Variants in MICAL3 observed in about 807,000 individuals in gnomAD.
The protein encoded by MICAL3 is microtubule associated monooxygenase, calponin and LIM domain containing 3.
MICAL3 carries 62 observed loss-of-function variants against 207.4 expected under a neutral mutation model. The ratio of observed to expected loss-of-function variants is 0.30; its 90% confidence interval spans 0.24 to 0.37. The LOEUF (loss-of-function observed/expected upper bound fraction) is 0.37. MICAL3 is among the 10% of genes least tolerant of loss of function. The pLI is 1.00. For synonymous variants in MICAL3, 1,077 were observed against 1,069.3 expected (o/e 1.01, Z -0.14); for missense variants, 2,368 against 2,635.6 (o/e 0.90, Z 2.22).
chr22:17,979,987 C>T (rs538850398), intron 1 of MICAL3, among the ~76,000 whole-genome samples: 2 of 152,226 alleles, frequency 1.3e-5, no homozygotes, highest in South Asian at 4.2e-4. Flanking sequence ...TGCCACCACA[C>T]CTAACTAATA....
chr22:17,956,927 C>T (rs1829666602), intron 1 of MICAL3, among the ~76,000 whole-genome samples: 1 of 152,202 alleles, frequency 6.6e-6, no homozygotes, highest in Admixed American at 6.5e-5. Context: ...CTCAAACTTC[C>T]TTGAAGCTAG....
chr22:17,915,150 C>T (rs193010983), intron 1 of MICAL3, among the ~76,000 whole-genome samples: 3 of 152,340 alleles, frequency 2.0e-5, no homozygotes, highest in East Asian at 1.9e-4. Flanking sequence ...CAATCTATAA[C>T]GTCGGTGCAG....
intron 1 of MICAL3, among the ~76,000 whole-genome samples, chr22:17,913,716 T>C (rs560736508): frequency 6.6e-6 from 1 of 152,274 alleles, no homozygotes; most frequent in Admixed American, 6.5e-5. Context: ...TAATTTTCAT[T>C]TCTATTCTTT....
intron 16 of MICAL3, among the ~76,000 whole-genome samples, chr22:17,874,839 A>G (rs1213930372): frequency 1.3e-5 from 2 of 151,886 alleles, no homozygotes; most frequent in Admixed American, 1.3e-4. Context: ...GTGCTACTTC[A>G]GATCCCGCCG....
At chr22:18,021,764 C>A (rs1158510963) in intron 1 of MICAL3, among the ~76,000 whole-genome samples, 1 of 152,144 alleles carries the variant, frequency 6.6e-6, no homozygotes, top group Non-Finnish European at 1.5e-5. Flanking sequence ...CCCTTCCTGG[C>A]CACTCCCTCA....
intron 21 of MICAL3, among the ~76,000 whole-genome samples, chr22:17,830,798 T>C (rs1467913230): frequency 6.6e-6 from 1 of 152,188 alleles, no homozygotes; most frequent in African/African-American, 2.4e-5. Flanking sequence ...CCCGAGGAAG[T>C]CCCTGACGCC....
chr22:17,967,053 G>A (rs959139759), intron 1 of MICAL3, among the ~76,000 whole-genome samples: 1 of 152,210 alleles, frequency 6.6e-6, no homozygotes, highest in Non-Finnish European at 1.5e-5. Context: ...CTGATCAAGG[G>A]TAGGTGAGAC....
chr22:17,875,148 CAAAACATTTATCATTATTTG>C (rs1178794319), intron 16 of MICAL3: 1 of 179,912 alleles, frequency 5.6e-6, no homozygotes, highest in Non-Finnish European at 1.1e-5. Flanking sequence ...CCAATGGCTG[CAAAACATTTATCATTATTTG>C]ATATAGTTGA....
At chr22:18,007,915 T>A (rs1217042655) in intron 1 of MICAL3, among the ~76,000 whole-genome samples, 2 of 77,216 alleles carry the variant, frequency 2.6e-5, no homozygotes, top group African/African-American at 1.2e-4. Flanking sequence ...AGAGCGAGAC[T>A]CCATCTCAAA....
chr22:18,008,344 G>T (rs1272295174), intron 1 of MICAL3, among the ~76,000 whole-genome samples: 1 of 152,168 alleles, frequency 6.6e-6, no homozygotes. Context: ...GAACCCCAAG[G>T]GCATTCAGCT....
At chr22:18,022,652 C>T (rs1838008310) in intron 1 of MICAL3, among the ~76,000 whole-genome samples, 1 of 152,166 alleles carries the variant, frequency 6.6e-6, no homozygotes, top group African/African-American at 2.4e-5. Flanking sequence ...TGGTCTCCAA[C>T]TCCTGGCCCC....
At chr22:17,962,916 AT>A (rs201557657) in intron 1 of MICAL3, among the ~76,000 whole-genome samples, 2 of 151,742 alleles carry the variant, frequency 1.3e-5, no homozygotes, top group Admixed American at 6.6e-5. Flanking sequence ...GCCCAGCTAA[AT>A]TTTTTTTTAA....
chr22:17,996,445 G>GA (rs113489535), intron 1 of MICAL3, among the ~76,000 whole-genome samples: 35,281 of 136,102 alleles, frequency 0.26, 4,675 homozygotes, highest in East Asian at 0.53. Context: ...CTCCATCTCA[G>GA]AAAAAAAAAA....
chr22:18,003,028 TG>T (rs745389473), intron 1 of MICAL3, among the ~76,000 whole-genome samples: 1 of 151,552 alleles, frequency 6.6e-6, no homozygotes, highest in Non-Finnish European at 1.5e-5. Flanking sequence ...GGCGTGGTGG[TG>T]GGCGCCTGTA....
chr22:17,834,750 C>T (rs1923182584), intron 20 of MICAL3, among the ~76,000 whole-genome samples: 1 of 152,202 alleles, frequency 6.6e-6, no homozygotes, highest in Non-Finnish European at 1.5e-5. Flanking sequence ...GGTTATTTTT[C>T]AGCATTACCT....
At chr22:17,851,015 T>C (rs1264480877) in intron 19 of MICAL3, among the ~76,000 whole-genome samples, 2 of 152,302 alleles carry the variant, frequency 1.3e-5, no homozygotes, top group African/African-American at 2.4e-5. Flanking sequence ...GCTGTGGACA[T>C]GTCTAAAGCA....
chr22:17,950,331 G>GT (rs1363364325), intron 1 of MICAL3, among the ~76,000 whole-genome samples: 60 of 97,480 alleles, frequency 6.2e-4, no homozygotes, highest in African/African-American at 2.2e-3. Flanking sequence ...CTGGCGTTTT[G>GT]TTTTTGTTTT....
chr22:18,006,004 T>G (rs1007628949), intron 1 of MICAL3: 2 of 152,228 alleles, frequency 1.3e-5, no homozygotes, highest in Non-Finnish European at 2.9e-5. Context: ...GTGAGGCCAA[T>G]ACTTCTGAGT....
At chr22:18,018,408 G>A (rs1003213860) in intron 1 of MICAL3, among the ~76,000 whole-genome samples, 2 of 152,034 alleles carry the variant, frequency 1.3e-5, no homozygotes, top group Non-Finnish European at 2.9e-5. Context: ...TTTGCATCAC[G>A]ATTCAGTGTA....
Sources: gnomAD v4.1 joint callset for allele counts (sites outside exome capture counted in the v4.1 genomes callset) on GRCh38, gnomAD v4.1.1 for gene constraint, MANE v1.5 for transcripts, NCBI Gene and HGNC (gene_info 2026-07-23, HGNC 2026-07-21) for gene names.